ATF7IP: variants seen among roughly 807,000 people sequenced by gnomAD.
ATF7IP encodes the protein activating transcription factor 7-interacting protein 1.
ATF7IP carries 23 observed loss-of-function variants against 106.4 expected under a neutral mutation model. The observed-to-expected ratio is 0.22, with a 90% CI of 0.16 to 0.31. The LOEUF (loss-of-function observed/expected upper bound fraction) is 0.31, where lower values mean the gene tolerates loss of function less well. Ranked by LOEUF, ATF7IP falls within the 10% of genes least tolerant of loss-of-function variation. The probability of loss-of-function intolerance (pLI) is 1.00; values close to 1 mark genes in which losing one functional copy is unlikely to be tolerated. For missense variants in ATF7IP, 1,334 were observed against 1,524.3 expected (o/e 0.88, Z 2.08); for synonymous variants, 542 against 539.0 (o/e 1.01, Z -0.08).
intron 9 of ATF7IP, among the ~76,000 whole-genome samples, chr12:14,463,927 A>T (rs1048564294): frequency 1.3e-5 from 2 of 152,204 alleles, no homozygotes; most frequent in Non-Finnish European, 2.9e-5. Context: ...ACTAGATATT[A>T]AAAAAAGAAC....
intron 1 of ATF7IP, among the ~76,000 whole-genome samples, chr12:14,393,711 T>C (rs1358557850): frequency 1.3e-5 from 2 of 152,208 alleles, no homozygotes; most frequent in East Asian, 3.8e-4. Context: ...TTTTAAGTAC[T>C]TCTTTTCATT....
chr12:14,369,311 T>C (rs1310153001), intron 1 of ATF7IP: 1 of 152,168 alleles, frequency 6.6e-6, no homozygotes, highest in Non-Finnish European at 1.5e-5. Flanking sequence ...CCAGAAAATA[T>C]TACCTGTTGT....
intron 6 of ATF7IP, among the ~76,000 whole-genome samples, chr12:14,451,303 A>T (rs1009326777): frequency 5.3e-5 from 8 of 151,916 alleles, no homozygotes; most frequent in African/African-American, 1.9e-4. Flanking sequence ...TAGCCTAGTT[A>T]AGGATTTATC....
chr12:14,375,741 G>T (rs1353935831), intron 1 of ATF7IP, among the ~76,000 whole-genome samples: 1 of 152,128 alleles, frequency 6.6e-6, no homozygotes, highest in Non-Finnish European at 1.5e-5. Context: ...AATATGATTA[G>T]ATATATAAAA....
chr12:14,462,228 G>A (rs370949637), intron 9 of ATF7IP, among the ~76,000 whole-genome samples: 7 of 152,066 alleles, frequency 4.6e-5, no homozygotes, highest in African/African-American at 1.7e-4. Context: ...ATAGTACAGG[G>A]CAAATGTTTG....
chr12:14,412,138 T>A (rs1940954685), intron 1 of ATF7IP, among the ~76,000 whole-genome samples: 1 of 152,212 alleles, frequency 6.6e-6, no homozygotes, highest in African/African-American at 2.4e-5. Flanking sequence ...CCTAAGGATA[T>A]ACCTGTCATT....
intron 10 of ATF7IP, among the ~76,000 whole-genome samples, chr12:14,472,753 G>T (rs1944100217): frequency 6.6e-6 from 1 of 152,008 alleles, no homozygotes; most frequent in East Asian, 1.9e-4. Context: ...CTTATGTCTG[G>T]CATATTTAAA....
chr12:14,390,464 C>CA, intron 1 of ATF7IP, among the ~76,000 whole-genome samples: 1 of 152,290 alleles, frequency 6.6e-6, no homozygotes, highest in Admixed American at 6.5e-5. Context: ...ATGTGATAAT[C>CA]AGTTCTGTTT....
At chr12:14,492,167 C>T (rs1944847458) in intron 13 of ATF7IP, among the ~76,000 whole-genome samples, 1 of 152,100 alleles carries the variant, frequency 6.6e-6, no homozygotes, top group Non-Finnish European at 1.5e-5. Flanking sequence ...CAGGATGAAT[C>T]CAGGAATCCA....
chr12:14,494,759 C>T (rs1944957720), intron 13 of ATF7IP, among the ~76,000 whole-genome samples: 1 of 151,206 alleles, frequency 6.6e-6, no homozygotes, highest in Non-Finnish European at 1.5e-5. Flanking sequence ...ATCGTGAAAC[C>T]TCATCCCTAC....
intron 1 of ATF7IP, among the ~76,000 whole-genome samples, chr12:14,375,005 A>G (rs545005506): frequency 1.3e-5 from 2 of 152,064 alleles, no homozygotes; most frequent in Non-Finnish European, 2.9e-5. Flanking sequence ...AATCCTTTCT[A>G]ATAAGGTATG....
chr12:14,489,489 A>T (rs1420539726), intron 13 of ATF7IP, among the ~76,000 whole-genome samples: 1 of 152,164 alleles, frequency 6.6e-6, no homozygotes, highest in Non-Finnish European at 1.5e-5. Flanking sequence ...AAAATTTTGC[A>T]AGTGGATCCC....
chr12:14,401,841 G>A lies in ATF7IP; in HGVS notation c.-7-22068G>A, dbSNP rs181007686. On this transcript the variant is annotated intron_variant, in intron 1 of 14. Coordinates refer to ENST00000261168, the MANE Select transcript of ATF7IP (RefSeq NM_018179.5). ...CAGTTCTCCTGCCTCAGCCTCCCGA[G>A]TAGCTGGGGTTACAGGCATCCACCA... is the stretch of plus-strand genomic sequence containing the variant. Among the ~76,000 whole-genome samples, 703 of 150,646 alleles carry A rather than the reference G, an allele frequency of 4.7e-3. 3 individuals carry two copies. Among genetic ancestry groups the A allele is most frequent in the Admixed American group, 0.013 (192 of 15,056 alleles).
At chr12:14,368,810 T>C (rs182264138) in intron 1 of ATF7IP, among the ~76,000 whole-genome samples, 39 of 152,314 alleles carry the variant, frequency 2.6e-4, no homozygotes, top group Non-Finnish European at 2.2e-4. Flanking sequence ...ACTGTTTTTC[T>C]TATTTGTTGG....
intron 2 of ATF7IP, among the ~76,000 whole-genome samples, chr12:14,430,241 C>T (rs1942051146): frequency 6.6e-6 from 1 of 152,068 alleles, no homozygotes; most frequent in Non-Finnish European, 1.5e-5. Context: ...AATAAGGTAA[C>T]CGTTTACTAT....
At chr12:14,413,558 G>T (rs185979916) in intron 1 of ATF7IP, among the ~76,000 whole-genome samples, 5 of 152,208 alleles carry the variant, frequency 3.3e-5, no homozygotes, top group African/African-American at 7.2e-5. Context: ...TTGGGTGTCT[G>T]CTTTACCTTA....
chr12:14,445,616 C>T (rs1942923541), intron 5 of ATF7IP, among the ~76,000 whole-genome samples: 1 of 152,110 alleles, frequency 6.6e-6, no homozygotes, highest in Non-Finnish European at 1.5e-5. Flanking sequence ...TAACTAAGTC[C>T]TTAGGGAAAA....
At chr12:14,382,585 TA>T (rs1441013788) in intron 1 of ATF7IP, among the ~76,000 whole-genome samples, 1 of 152,208 alleles carries the variant, frequency 6.6e-6, no homozygotes, top group African/African-American at 2.4e-5. Flanking sequence ...ACTAAAATCT[TA>T]GTTGACATAT....
intron 5 of ATF7IP, among the ~76,000 whole-genome samples, chr12:14,446,211 G>A (rs1415159091): frequency 1.3e-5 from 2 of 151,688 alleles, no homozygotes; most frequent in East Asian, 1.9e-4. Context: ...GCAGTGGCGC[G>A]ATCTTGGCTC....
Sources: gnomAD v4.1 joint callset for allele counts (sites outside exome capture counted in the v4.1 genomes callset) on GRCh38, gnomAD v4.1.1 for gene constraint, MANE v1.5 for transcripts, NCBI Gene and HGNC (gene_info 2026-07-23, HGNC 2026-07-21) for gene names.